Variants in TMEM38B observed in about 807,000 individuals in gnomAD.
TMEM38B encodes transmembrane protein 38B.
A neutral mutation model predicts 28.7 loss-of-function variants in TMEM38B; 24 were observed. The observed-to-expected ratio is 0.84, with a 90% confidence interval of 0.61 to 1.18. The LOEUF (loss-of-function observed/expected upper bound fraction) is 1.18. TMEM38B is among the 50% of genes most tolerant of loss of function. The pLI is 0.00. For missense variants in TMEM38B, 380 were observed against 350.9 expected (o/e 1.08, Z -0.66); for synonymous variants, 131 against 127.7 (o/e 1.03, Z -0.17).
At chr9:105,767,100 C>A (rs968021368) in intron 5 of TMEM38B, among the ~76,000 whole-genome samples, 9 of 151,648 alleles carry the variant, frequency 5.9e-5, no homozygotes, top group Admixed American at 4.6e-4. Context: ...GTCTGTGAAC[C>A]ATTTCAAATT....
rs1826719328 is a variant in TMEM38B, at chr9:105,776,368, G to T, written c.*2288G>T. ...GGAGAGAGACCAGATATGTGGAGTT[G>T]TTGGCTTTCAGTGGAAATGGTAGCC... is the stretch of plus-strand genomic sequence containing the variant. On this transcript the variant is annotated 3_prime_UTR_variant, in exon 6 of 6. Transcript: ENST00000374692. 6.6e-6 allele frequency: 1 copy of T among 152,146 alleles called. No individual in the cohort carries two copies. The highest frequency in any genetic ancestry group is 2.4e-5 in the African/African-American group (1 of 41,424). The allele number at this position is 152,146 out of a possible 1,614,324, so 9.4% of individuals were successfully genotyped here. A position where few individuals can be genotyped will look rare whatever the true frequency, so the allele number is the denominator to read the frequency against.
intron 5 of TMEM38B, among the ~76,000 whole-genome samples, chr9:105,767,143 G>T (rs1463557785): frequency 6.9e-6 from 1 of 145,324 alleles, no homozygotes; most frequent in Non-Finnish European, 1.5e-5. Context: ...TAAGGGTCAG[G>T]TTTTTTTTTT....
At chr9:105,749,652 C>A (rs541034364) in intron 5 of TMEM38B, among the ~76,000 whole-genome samples, 67 of 152,292 alleles carry the variant, frequency 4.4e-4, no homozygotes, top group African/African-American at 1.6e-3. Context: ...ATTATCACTA[C>A]AAATCAGTAT....
At chr9:105,710,402 C>A in intron 2 of TMEM38B, 2 of 948,860 alleles carry the variant, frequency 2.1e-6, no homozygotes, top group South Asian at 1.5e-5. Flanking sequence ...TGATCTCCTT[C>A]TTTCATAACT....
chr9:105,733,465 G>A (rs1377821831), intron 4 of TMEM38B, among the ~76,000 whole-genome samples: 1 of 144,356 alleles, frequency 6.9e-6, no homozygotes, highest in Non-Finnish European at 1.5e-5. Context: ...TTAGGCATGA[G>A]CTGATGATGG....
At chr9:105,706,268 A>G (rs1156985271) in intron 2 of TMEM38B, among the ~76,000 whole-genome samples, 1 of 152,160 alleles carries the variant, frequency 6.6e-6, no homozygotes, top group African/African-American at 2.4e-5. Context: ...CCCAGAAGCA[A>G]TTATTGTCTG....
intron 3 of TMEM38B, among the ~76,000 whole-genome samples, 166 bp from the exon 4 acceptor site, chr9:105,722,368 G>A (rs1265005322): frequency 6.6e-6 from 1 of 152,134 alleles, no homozygotes; most frequent in African/African-American, 2.4e-5. Context: ...AATTGCAGTT[G>A]TTTTAGTACC....
chr9:105,747,158 C>T (rs937959779), intron 4 of TMEM38B, among the ~76,000 whole-genome samples: 8 of 152,142 alleles, frequency 5.3e-5, no homozygotes, highest in Non-Finnish European at 1.2e-4. Context: ...ATGGTACCAG[C>T]TCCTCCTTGT....
At position 105,748,156 on chromosome 9, in the gene TMEM38B, T is replaced by A. The variant is rs1837499923; in HGVS notation, c.626T>A (p.Met209Lys). The stretch of plus-strand genomic sequence containing the variant: ...CTGGCAATATCAAAGCATAATCTTA[T>A]GTTCCTTTATACCATCTTTATTGTG... ...QHLAISKHNL[M>K]FLYTIFIVAT... The change falls in exon 5 of 6, where the codon ATG becomes AAG. Residue 209 changes from methionine to lysine, a missense_variant. Transcript: ENST00000374692. The A allele has an allele frequency of 1.2e-6, 2 of 1,613,346 alleles. No homozygotes were observed. The highest frequency in any genetic ancestry group is 2.2e-5 in the East Asian group (1 of 44,874).
intron 1 of TMEM38B, among the ~76,000 whole-genome samples, chr9:105,704,165 T>C (rs893346517): frequency 1.3e-5 from 2 of 152,040 alleles, no homozygotes; most frequent in African/African-American, 2.4e-5. Flanking sequence ...TGCGCCAGCA[T>C]GGCACATGTA....
intron 3 of TMEM38B, among the ~76,000 whole-genome samples, chr9:105,721,931 A>G (rs1445918833): frequency 2.6e-5 from 4 of 152,170 alleles, no homozygotes; most frequent in African/African-American, 9.7e-5. Flanking sequence ...GTGTCTTATG[A>G]TAGAAAATTT....
intron 5 of TMEM38B, among the ~76,000 whole-genome samples, chr9:105,753,372 T>C (rs1323671838): frequency 6.6e-6 from 1 of 151,808 alleles, no homozygotes; most frequent in Non-Finnish European, 1.5e-5. Flanking sequence ...CATCAGATTC[T>C]CCAAGGTCGA....
At chr9:105,769,770 A>G (rs549402265) in intron 5 of TMEM38B, among the ~76,000 whole-genome samples, 31 of 152,202 alleles carry the variant, frequency 2.0e-4, no homozygotes, top group African/African-American at 6.7e-4. Context: ...TTTTATTGCA[A>G]TTGTGTTTAT....
intron 5 of TMEM38B, among the ~76,000 whole-genome samples, chr9:105,754,607 A>T (rs7871452): frequency 0.23 from 35,406 of 152,016 alleles, 6,789 homozygotes; most frequent in African/African-American, 0.51. Context: ...CATACCAGAA[A>T]CTCTGGGATG....
At chr9:105,766,964 C>T (rs1229714621) in intron 5 of TMEM38B, among the ~76,000 whole-genome samples, 2 of 139,428 alleles carry the variant, frequency 1.4e-5, no homozygotes, top group Non-Finnish European at 3.0e-5. Flanking sequence ...TTGTTCAATT[C>T]CCACCTATGA....
chr9:105,733,910 A>G (rs1369092855), intron 4 of TMEM38B, among the ~76,000 whole-genome samples: 1 of 151,536 alleles, frequency 6.6e-6, no homozygotes, highest in East Asian at 1.9e-4. Flanking sequence ...CAAAAAACCA[A>G]CTCAGTTTGA....
intron 4 of TMEM38B, among the ~76,000 whole-genome samples, chr9:105,743,069 G>A (rs1301299308): frequency 6.6e-6 from 1 of 151,308 alleles, no homozygotes; most frequent in East Asian, 1.9e-4. Context: ...ACAGATCTGG[G>A]GACTAAAGAA....
chr9:105,759,794 A>G (rs772494581), intron 5 of TMEM38B: 85 of 1,608,808 alleles, frequency 5.3e-5, no homozygotes, highest in Non-Finnish European at 7.0e-5. Context: ...ACTGCTCAAG[A>G]CCAAGAGGAG....
rs1287090157 is a variant in TMEM38B at position 105,694,638 on chromosome 9, G to T, written c.-23G>T. On this transcript the variant is annotated 5_prime_UTR_variant, in exon 1 of 6. Coordinates refer to ENST00000374692, the MANE Select transcript of TMEM38B (RefSeq NM_018112.3). ...GGGAACCAGTAGCCGCGGCTGCTTC[G>T]GTTGCCGCGGTCGGTGGTCGTTATG... The T allele has an allele frequency of 6.3e-7, 1 of 1,598,338 alleles. No individual in the cohort carries two copies. Among genetic ancestry groups the T allele is most frequent in the Admixed American group, 1.7e-5 (1 of 59,956 alleles).
Sources: gnomAD v4.1 joint callset for allele counts (sites outside exome capture counted in the v4.1 genomes callset) on GRCh38, gnomAD v4.1.1 for gene constraint, MANE v1.5 for transcripts, NCBI Gene and HGNC (gene_info 2026-07-23, HGNC 2026-07-21) for gene names.